The following ARAP2 variants were observed in gnomAD, a reference collection of about 807,000 sequenced individuals.
The protein encoded by ARAP2 is ArfGAP with RhoGAP domain, ankyrin repeat and PH domain 2, also known as arf-GAP with Rho-GAP domain, ANK repeat and PH domain-containing protein 2.
In ARAP2, 148 loss-of-function variants were observed where a neutral mutation model predicts 194.5. That is an observed-to-expected ratio of 0.76 (90% CI 0.67 to 0.87). The LOEUF (loss-of-function observed/expected upper bound fraction) is 0.87, where lower values mean the gene tolerates loss of function less well. Among genes scored for constraint, ARAP2 ranks in the 40% least tolerant of loss-of-function variants. The pLI is 0.00. For missense variants in ARAP2, 2,128 were observed against 1,989.7 expected (o/e 1.07, Z -1.32); for synonymous variants, 695 against 683.5 (o/e 1.02, Z -0.26).
chr4:36,176,842 AACT>A (rs1159247511), intron 9 of ARAP2, among the ~76,000 whole-genome samples: 3 of 152,076 alleles, frequency 2.0e-5, no homozygotes, highest in Non-Finnish European at 2.9e-5. Context: ...ATTGTTCTGA[AACT>A]ACTATTTGTT....
chr4:36,027,298 T>C (rs1309600572), intron 5 of ARAP2, among the ~76,000 whole-genome samples: 1 of 152,074 alleles, frequency 6.6e-6, no homozygotes, highest in Admixed American at 6.6e-5. Context: ...GTCATGCAGC[T>C]GGTGAAGGTG....
chr4:36,149,951 A>G (rs1730566790), intron 16 of ARAP2, among the ~76,000 whole-genome samples: 1 of 152,330 alleles, frequency 6.6e-6, no homozygotes, highest in Non-Finnish European at 1.5e-5. Context: ...TCAGATTTTA[A>G]TATCAATGTT....
At chr4:36,182,727 G>C (rs1359707683) in intron 8 of ARAP2, among the ~76,000 whole-genome samples, 2 of 152,128 alleles carry the variant, frequency 1.3e-5, no homozygotes, top group Non-Finnish European at 2.9e-5. Flanking sequence ...TGATGGACTA[G>C]ATATGAAGTG....
At chr4:36,123,712 A>G (rs1471621105) in intron 22 of ARAP2, among the ~76,000 whole-genome samples, 2 of 151,808 alleles carry the variant, frequency 1.3e-5, no homozygotes, top group Non-Finnish European at 2.9e-5. Context: ...TTATCCTAAC[A>G]CATTTGATCT....
At chr4:36,232,966 A>C (rs1031944052) in intron 1 of ARAP2, among the ~76,000 whole-genome samples, 4 of 152,184 alleles carry the variant, frequency 2.6e-5, no homozygotes, top group African/African-American at 7.2e-5. Context: ...CAAATCAAAG[A>C]AAGATATACC....
At chr4:36,132,605 T>G (rs1323397535) in intron 20 of ARAP2, among the ~76,000 whole-genome samples, 1 of 151,800 alleles carries the variant, frequency 6.6e-6, no homozygotes, top group African/African-American at 2.4e-5. Context: ...AGAGGATATC[T>G]TTCAGGCATA....
At chr4:36,125,476 T>C (rs1042368735) in intron 21 of ARAP2, among the ~76,000 whole-genome samples, 4 of 151,990 alleles carry the variant, frequency 2.6e-5, no homozygotes, top group African/African-American at 9.7e-5. Flanking sequence ...AACTGTACAG[T>C]ACCCCTTCGA....
intron 2 of ARAP2, among the ~76,000 whole-genome samples, chr4:36,053,831 C>T (rs1395687434): frequency 6.6e-6 from 1 of 152,142 alleles, no homozygotes; most frequent in Non-Finnish European, 1.5e-5. Context: ...TGAATAACAA[C>T]CACATTTCTT....
chr4:36,103,149 C>T (rs1211585484), intron 27 of ARAP2, among the ~76,000 whole-genome samples: 6 of 151,600 alleles, frequency 4.0e-5, no homozygotes, highest in East Asian at 1.9e-4. Flanking sequence ...GAAGCAGTTG[C>T]ATTTTGAATT....
intron 5 of ARAP2, among the ~76,000 whole-genome samples, chr4:36,044,568 C>T (rs1721489192): frequency 6.6e-6 from 1 of 152,038 alleles, no homozygotes; most frequent in Non-Finnish European, 1.5e-5. Context: ...AGATTAAAAA[C>T]TTAAGTATAT....
rs1267601939 is a variant in ARAP2 at position 36,159,197 on chromosome 4, T to A, written c.2617+134A>T. On this transcript the variant is annotated intron_variant, in intron 14 of 32. Coordinates refer to ENST00000303965, the MANE Select transcript of ARAP2 (RefSeq NM_015230.4). ...ATGATATAAAAAATAGTCTTAGGCA[T>A]CTCCATCTTTTTGGTAATTACATTT... is the stretch of plus-strand genomic sequence containing the variant. 6.4e-6 allele frequency: 6 copies of A among 936,844 alleles called. No homozygotes were observed. In the African/African-American group the frequency reaches 6.8e-5, roughly 11 times the overall value. 58.0% of individuals were successfully genotyped at this position (936,844 alleles called of 1,614,324 possible).
chr4:36,224,186 A>C (rs1272305456), intron 2 of ARAP2, among the ~76,000 whole-genome samples: 1 of 151,754 alleles, frequency 6.6e-6, no homozygotes, highest in Non-Finnish European at 1.5e-5. Flanking sequence ...GAAACAACAA[A>C]TATGTGGATC....
At chr4:36,087,285 A>T (rs1712134382) in intron 28 of ARAP2, among the ~76,000 whole-genome samples, 1 of 152,132 alleles carries the variant, frequency 6.6e-6, no homozygotes. Context: ...AGTTTAAAGG[A>T]AAAGCATGAA....
At chr4:36,157,334 T>C (rs1414220780) in intron 15 of ARAP2, 1 of 152,060 alleles carries the variant, frequency 6.6e-6, no homozygotes, top group Admixed American at 6.6e-5. Flanking sequence ...TTCTGATCAC[T>C]TATCTTTTAA....
At chr4:36,102,180 T>C (rs1048794012) in intron 27 of ARAP2, among the ~76,000 whole-genome samples, 1 of 151,968 alleles carries the variant, frequency 6.6e-6, no homozygotes, top group Non-Finnish European at 1.5e-5. Context: ...CTTCTAGACA[T>C]ATATCCTCAA....
intron 5 of ARAP2, among the ~76,000 whole-genome samples, chr4:36,023,904 C>T (rs183005105): frequency 2.6e-5 from 4 of 151,946 alleles, no homozygotes; most frequent in African/African-American, 9.7e-5. Flanking sequence ...TAAAAAATGA[C>T]GTTTGTTTTT....
intron 9 of ARAP2, among the ~76,000 whole-genome samples, chr4:36,174,049 C>T (rs1490605345): frequency 6.6e-6 from 1 of 152,174 alleles, no homozygotes; most frequent in Admixed American, 6.5e-5. Flanking sequence ...TGTGTTACCC[C>T]TTCAGGAAGG....
At chr4:36,040,236 G>A (rs1172019084) in intron 5 of ARAP2, among the ~76,000 whole-genome samples, 1 of 152,106 alleles carries the variant, frequency 6.6e-6, no homozygotes. Flanking sequence ...CAAGAGACTT[G>A]GGCAAGAGAG....
At chr4:36,157,228 A>AT in intron 15 of ARAP2, among the ~76,000 whole-genome samples, 1 of 152,328 alleles carries the variant, frequency 6.6e-6, no homozygotes. Flanking sequence ...ATATCCCAGT[A>AT]TTTAGAAGAA....
Sources: gnomAD v4.1 joint callset for allele counts (sites outside exome capture counted in the v4.1 genomes callset) on GRCh38, gnomAD v4.1.1 for gene constraint, MANE v1.5 for transcripts, NCBI Gene and HGNC (gene_info 2026-07-23, HGNC 2026-07-21) for gene names.